Variants in MIA2 observed in about 807,000 individuals in gnomAD.
MIA2 encodes MIA SH3 domain ER export factor 2.
MIA2 carries 127 observed loss-of-function variants against 167.8 expected under a neutral mutation model. The observed-to-expected ratio is 0.76, with a 90% CI of 0.66 to 0.88. MIA2 has a LOEUF of 0.88. MIA2 is among the 40% of genes least tolerant of loss of function. The pLI is 0.00. For synonymous variants in MIA2, 552 were observed against 541.9 expected, an observed-to-expected ratio of 1.02 and a Z score of -0.26; for missense variants, 1,690 against 1,624.7, an observed-to-expected ratio of 1.04 and a Z score of -0.69.
In MIA2 at chr14:39,288,458, TATATATATA is replaced by T. The variant is rs2060180269; in HGVS notation, c.2131-2560_2131-2552del. On this transcript the variant is annotated intron_variant, in intron 9 of 28. Transcript: ENST00000640607. Reference sequence around the variant, plus strand: ...ATATATATATATATATATATATATATATATATATATATATATATTTTTTTTTTTTTTTTT... The same window carrying T: ...ATATATATATATATATATATATATATTATATATATTTTTTTTTTTTTTTTT... Among the ~76,000 whole-genome samples the T allele has an allele frequency of 2.4e-3, 38 of 16,006 alleles. 2 individuals carry two copies. The highest frequency in any genetic ancestry group is 4.9e-3 in the Non-Finnish European group (30 of 6,140). 10.5% of individuals were successfully genotyped at this position (16,006 alleles called of 152,430 possible). A position where few individuals can be genotyped will look rare whatever the true frequency, so the allele number is the denominator to read the frequency against.
chr14:39,312,913 G>GTGT (rs2064601901), intron 18 of MIA2, among the ~76,000 whole-genome samples: 1 of 152,008 alleles, frequency 6.6e-6, no homozygotes, highest in Non-Finnish European at 1.5e-5. Flanking sequence ...GTGTGCGTGT[G>GTGT]TGTTTACTTG....
At chr14:39,288,748 A>C (rs1447006287) in intron 9 of MIA2, among the ~76,000 whole-genome samples, 1 of 151,836 alleles carries the variant, frequency 6.6e-6, no homozygotes, top group African/African-American at 2.4e-5. Context: ...TGCGTGAGCC[A>C]CTGTGCCGGC....
At chr14:39,288,460 T>TTTTTTTTTTG (rs2060185680) in intron 9 of MIA2, among the ~76,000 whole-genome samples, 2 of 15,982 alleles carry the variant, frequency 1.3e-4, no homozygotes, top group Non-Finnish European at 3.2e-4. Flanking sequence ...TATATATATA[T>TTTTTTTTTTG]ATATATATAT....
chr14:39,350,136 C>T lies in MIA2; in HGVS notation c.4111C>T (p.Leu1371Phe), dbSNP rs2074221517. ...TCCACCGAGGGGTTTTCCTCCTTACCTTCCCCCAAGACCTGGATTTTTCCC... is the reference window on the plus strand; with the variant it reads ...TCCACCGAGGGGTTTTCCTCCTTACTTTCCCCCAAGACCTGGATTTTTCCC... The part of the protein sequence containing the change: ...VYPPRGFPPY[L>F]PPRPGFFPPP... Residue 1371 changes from leucine to phenylalanine, a missense_variant, in exon 29 of 29, where the codon CTT (leucine) becomes TTT (phenylalanine). Physicochemically the swap from Leu to Phe is conservative, Grantham distance 22 (BLOSUM62 0). Transcript: ENST00000640607. 1 of 1,389,326 alleles carries T rather than the reference C, an allele frequency of 7.2e-7. No homozygotes were observed. The highest frequency in any genetic ancestry group is 9.8e-7 in the Non-Finnish European group (1 of 1,019,032). The allele number at this position is 1,389,326 out of a possible 1,614,324, so 86.1% of individuals were successfully genotyped here. A position where few individuals can be genotyped will look rare whatever the true frequency, so the allele number is the denominator to read the frequency against.
At chr14:39,349,896 T>A (rs1338611570) in intron 28 of MIA2, among the ~76,000 whole-genome samples, 2 of 152,186 alleles carry the variant, frequency 1.3e-5, no homozygotes, top group African/African-American at 2.4e-5. Flanking sequence ...ACATAAAAAT[T>A]AATGATATTT....
chr14:39,324,621 T>C (rs576007665), intron 24 of MIA2, among the ~76,000 whole-genome samples: 1 of 151,984 alleles, frequency 6.6e-6, no homozygotes, highest in Admixed American at 6.6e-5. Context: ...TTTATTTTTT[T>C]TTTTTGAGAT....
intron 3 of MIA2, among the ~76,000 whole-genome samples, chr14:39,243,601 C>T (rs2054159225): frequency 6.6e-6 from 1 of 152,190 alleles, no homozygotes. Flanking sequence ...GGTGGTGGCT[C>T]ATGCCTGTAA....
intron 6 of MIA2, among the ~76,000 whole-genome samples, chr14:39,268,852 T>C (rs994266059): frequency 2.0e-5 from 3 of 152,120 alleles, no homozygotes; most frequent in African/African-American, 7.2e-5. Flanking sequence ...AGAGAAGGAA[T>C]CTAGAAGGAC....
chr14:39,317,909 TA>T, intron 21 of MIA2, 34 bp from the exon 22 acceptor site: 1 of 1,430,590 alleles, frequency 7.0e-7, no homozygotes, highest in Non-Finnish European at 9.4e-7. Flanking sequence ...TAAGTTTATA[TA>T]AATATATTTT....
chr14:39,235,606 C>T (rs2053700248), intron 1 of MIA2, among the ~76,000 whole-genome samples: 1 of 151,646 alleles, frequency 6.6e-6, no homozygotes, highest in Admixed American at 6.6e-5. Flanking sequence ...AGTGAGACCT[C>T]ATCTCTACAA....
At chr14:39,345,326 G>A (rs1365166294) in intron 25 of MIA2, among the ~76,000 whole-genome samples, 6 of 151,966 alleles carry the variant, frequency 3.9e-5, no homozygotes, top group African/African-American at 1.2e-4. Context: ...CACCCGCTTC[G>A]GCCTCTCAAA....
intron 25 of MIA2, among the ~76,000 whole-genome samples, chr14:39,338,823 G>A (rs2071097884): frequency 6.6e-6 from 1 of 152,154 alleles, no homozygotes; most frequent in Non-Finnish European, 1.5e-5. Context: ...TAATTCTTTT[G>A]CCAGGGTTAA....
At chr14:39,360,594 A>G (rs1435051033) in intron 23 of MIA2, among the ~76,000 whole-genome samples, 1 of 150,930 alleles carries the variant, frequency 6.6e-6, no homozygotes, top group Non-Finnish European at 1.5e-5. Flanking sequence ...CTCCCATTCA[A>G]CCACTTGTCT....
Position 39,247,393 on chromosome 14 carries a change from A to G in MIA2, c.819A>G (p.Gln273=). The change falls in exon 4 of 29, where the codon CAA becomes CAG. Residue 273 remains glutamine (Q), a synonymous_variant. Transcript: ENST00000640607. ...DLEELNNGEP[Q]TEHQQESESE... is the part of the protein sequence containing the mutation. ...AGGAATTAAATAATGGTGAGCCTCA[A>G]ACAGAACATCAGCAAGAATCTGAAT... 1 of 1,614,150 alleles carries G rather than the reference A, an allele frequency of 6.2e-7. No individual in the cohort carries two copies.
chr14:39,279,438 G>C lies in MIA2; in HGVS notation c.2042-11G>C, dbSNP rs1210851338. The C allele has an allele frequency of 6.2e-7, 1 of 1,603,664 alleles. No homozygotes were observed. On this transcript the variant is annotated splice_polypyrimidine_tract_variant and intron_variant, in intron 8 of 28. Transcript: ENST00000640607. ...AATTTACTCATGGTAATATTGACTT[G>C]ACTTTTTTAGGACGAGAGAAAAAGC... is the stretch of plus-strand genomic sequence containing the variant.
At chr14:39,348,624 C>CT in intron 27 of MIA2, 119 bp from the exon 28 acceptor site, 5 of 1,392,570 alleles carry the variant, frequency 3.6e-6, no homozygotes, top group Non-Finnish European at 5.0e-6. Context: ...TTCTCTAGAG[C>CT]TTTCTAAGAC....
At chr14:39,266,889 G>A (rs2055796086) in intron 6 of MIA2, 3 of 717,376 alleles carry the variant, frequency 4.2e-6, no homozygotes, top group Non-Finnish European at 3.4e-6. Flanking sequence ...TCTCGCCGCC[G>A]CCGCCACCGC....
intron 23 of MIA2, among the ~76,000 whole-genome samples, chr14:39,373,723 A>T (rs1480052543): frequency 6.6e-6 from 1 of 152,206 alleles, no homozygotes; most frequent in Non-Finnish European, 1.5e-5. Flanking sequence ...TGGGAGGCTG[A>T]GGCATGAGAA....
At chr14:39,359,236 C>T (rs976369020) in intron 23 of MIA2, among the ~76,000 whole-genome samples, 6 of 152,340 alleles carry the variant, frequency 3.9e-5, no homozygotes, top group African/African-American at 1.4e-4. Context: ...TTTACCTGCT[C>T]AAGCCTCAGC....
Sources: gnomAD v4.1 joint callset for allele counts (sites outside exome capture counted in the v4.1 genomes callset) on GRCh38, gnomAD v4.1.1 for gene constraint, MANE v1.5 for transcripts, NCBI Gene and HGNC (gene_info 2026-07-23, HGNC 2026-07-21) for gene names.